TLN2: variants seen among roughly 807,000 people sequenced by gnomAD.
TLN2 encodes talin-2.
In TLN2, 118 loss-of-function variants were observed where a neutral mutation model predicts 294.7. The ratio of observed to expected loss-of-function variants is 0.40; its 90% CI spans 0.34 to 0.47. The LOEUF is 0.47. Among genes scored for constraint, TLN2 ranks in the 20% least tolerant of loss-of-function variants. The pLI, the probability that TLN2 is intolerant of heterozygous loss-of-function variation, is 0.84. For synonymous variants in TLN2, 1,431 were observed against 1,304.5 expected (o/e 1.10, Z -2.09); for missense variants, 3,083 against 3,282.2 (o/e 0.94, Z 1.48).
At chr15:62,713,491 C>T (rs1020371968) in intron 22 of TLN2, among the ~76,000 whole-genome samples, 4 of 151,896 alleles carry the variant, frequency 2.6e-5, no homozygotes, top group African/African-American at 7.2e-5. Flanking sequence ...CCAGCCTGAC[C>T]GACATGGCAA....
intron 1 of TLN2, among the ~76,000 whole-genome samples, chr15:62,480,481 T>TC (rs2038022910): frequency 6.6e-6 from 1 of 152,224 alleles, no homozygotes; most frequent in Non-Finnish European, 1.5e-5. Context: ...CACCTCGGCC[T>TC]CCCAAAGTGC....
At chr15:62,452,835 C>T (rs1218211225) in intron 1 of TLN2, among the ~76,000 whole-genome samples, 39 of 152,150 alleles carry the variant, frequency 2.6e-4, no homozygotes, top group Admixed American at 2.6e-3. Flanking sequence ...GTGGCGGGGC[C>T]AGTGTACTGC....
Position 62,644,738 on chromosome 15 carries a change from T to C in TLN2, c.-36-2537T>C, listed in dbSNP as rs536893140. On this transcript the variant is annotated intron_variant, in intron 3 of 58. Transcript: ENST00000636159. ...TTTCTCCTTGCTCCTCTGTGTGTCTTCTGCTTCCTTCTGAGCTCCAGTGTT... is the reference window on the plus strand; with the variant it reads ...TTTCTCCTTGCTCCTCTGTGTGTCTCCTGCTTCCTTCTGAGCTCCAGTGTT... 20 of 371,074 alleles carry C rather than the reference T, an allele frequency of 5.4e-5. 1 individual carries two copies. The Admixed American group carries it at 7.1e-4, about 13-fold the overall frequency. 23.0% of individuals were successfully genotyped at this position (371,074 alleles called of 1,614,324 possible).
At chr15:62,403,329 T>A (rs2033160737) in intron 1 of TLN2, among the ~76,000 whole-genome samples, 1 of 152,236 alleles carries the variant, frequency 6.6e-6, no homozygotes, top group Non-Finnish European at 1.5e-5. Flanking sequence ...GTAAAAATAT[T>A]TGAAAGAACT....
chr15:62,680,600 C>T lies in TLN2; in HGVS notation c.957+5279C>T, dbSNP rs529718526. ...GGGATACTTTTTTTTTTTTCAATAG[C>T]TTTTGGGGTATAAGCGTTTTTTTTG... On this transcript the variant is annotated intron_variant, in intron 11 of 58. Transcript: ENST00000636159. 3.4e-5 allele frequency among the ~76,000 whole-genome samples: 5 copies of T among 148,298 alleles called. No homozygotes were observed. In the East Asian group the frequency reaches 9.8e-4, roughly 29 times the overall value.
intron 1 of TLN2, among the ~76,000 whole-genome samples, chr15:62,493,000 T>G (rs1015205143): frequency 2.0e-5 from 3 of 151,964 alleles, no homozygotes; most frequent in Non-Finnish European, 4.4e-5. Flanking sequence ...CTGTTAGGGG[T>G]GGAAATATTG....
intron 1 of TLN2, among the ~76,000 whole-genome samples, chr15:62,465,539 AG>A (rs1342007843): frequency 5.3e-5 from 8 of 152,104 alleles, no homozygotes; most frequent in Admixed American, 3.3e-4. Context: ...TTATGTGTGG[AG>A]GGGTTTAGCC....
At chr15:62,721,016 C>G (rs2060114436) in intron 25 of TLN2, among the ~76,000 whole-genome samples, 1 of 152,178 alleles carries the variant, frequency 6.6e-6, no homozygotes, top group Non-Finnish European at 1.5e-5. Flanking sequence ...TGGGTACTGT[C>G]TCCACCCTGA....
At chr15:62,595,426 A>AG (rs1014112340) in intron 2 of TLN2, among the ~76,000 whole-genome samples, 12 of 151,978 alleles carry the variant, frequency 7.9e-5, no homozygotes, top group African/African-American at 2.7e-4. Flanking sequence ...AAAAAAAAAA[A>AG]AAAAAGGATG....
intron 44 of TLN2, among the ~76,000 whole-genome samples, chr15:62,781,589 G>A (rs1200752333): frequency 6.6e-6 from 1 of 152,188 alleles, no homozygotes; most frequent in Non-Finnish European, 1.5e-5. Flanking sequence ...TTCACCTCAC[G>A]AAGGACTTGA....
rs55990249 is a variant in TLN2 at position 62,458,604 on chromosome 15, G to GAAAAAA, written c.-238+67928_-238+67933dup. Among the ~76,000 whole-genome samples, 1,250 of 130,026 alleles carry GAAAAAA rather than the reference G, an allele frequency of 9.6e-3. 26 individuals are homozygous for GAAAAAA. Among genetic ancestry groups the GAAAAAA allele is most frequent in the East Asian group, 0.045 (197 of 4,412 alleles). The allele number at this position is 130,026 out of a possible 152,430, so 85.3% of individuals were successfully genotyped here. A position where few individuals can be genotyped will look rare whatever the true frequency, so the allele number is the denominator to read the frequency against. ...AACATGGCAAAACCTCGTCTCTACA[G>GAAAAAA]AAAAAAAAAAAAAATTTAGCTGGGT... On this transcript the variant is annotated intron_variant, in intron 1 of 58. Coordinates refer to ENST00000636159, the MANE Select transcript of TLN2 (RefSeq NM_015059.3).
chr15:62,621,386 G>A (rs1046295320), intron 3 of TLN2, among the ~76,000 whole-genome samples: 1 of 152,106 alleles, frequency 6.6e-6, no homozygotes, highest in African/African-American at 2.4e-5. Context: ...AGGTAAAGTC[G>A]ATACACAGAT....
intron 2 of TLN2, among the ~76,000 whole-genome samples, chr15:62,596,312 T>A (rs1191168862): frequency 6.6e-6 from 1 of 151,120 alleles, no homozygotes; most frequent in Non-Finnish European, 1.5e-5. Flanking sequence ...GAGTAGATTT[T>A]AAGCATTCTT....
intron 28 of TLN2, among the ~76,000 whole-genome samples, chr15:62,734,260 C>G (rs75319210): frequency 3.0e-4 from 45 of 152,258 alleles, no homozygotes; most frequent in East Asian, 1.4e-3. Flanking sequence ...ATTTACTCCT[C>G]CAAACTTACA....
intron 11 of TLN2, among the ~76,000 whole-genome samples, chr15:62,684,279 A>G (rs1047259192): frequency 6.6e-6 from 1 of 152,222 alleles, no homozygotes; most frequent in African/African-American, 2.4e-5. Context: ...GCTGCAAACC[A>G]TATTTTATCT....
intron 3 of TLN2, among the ~76,000 whole-genome samples, chr15:62,632,195 G>C (rs1006003607): frequency 2.0e-5 from 3 of 152,232 alleles, no homozygotes; most frequent in Admixed American, 1.3e-4. Context: ...CTGGGGACTA[G>C]TGCCCCTGTG....
chr15:62,614,409 C>T (rs1235610674), intron 2 of TLN2, among the ~76,000 whole-genome samples: 1 of 152,172 alleles, frequency 6.6e-6, no homozygotes, highest in Non-Finnish European at 1.5e-5. Flanking sequence ...TATAATTAGT[C>T]ATTACAGCAT....
chr15:62,717,545 A>C lies in TLN2; in HGVS notation c.2764-31A>C, dbSNP rs770863265. 2.1e-5 allele frequency: 31 copies of C among 1,454,926 alleles called. 1 individual carries two copies. In the South Asian group the frequency reaches 4.2e-4, roughly 20 times the overall value. The allele number at this position is 1,454,926 out of a possible 1,614,324, so 90.1% of individuals were successfully genotyped here. ...GAACATGCATGTATATTGCATATGC[A>C]GATCCTGACTCATCTATCACTCCTC... On this transcript the variant is annotated intron_variant, in intron 23 of 58. Coordinates refer to ENST00000636159, the MANE Select transcript of TLN2 (RefSeq NM_015059.3).
At position 62,841,009 on chromosome 15, in the gene TLN2, T is replaced by TAGAA. The variant is rs377240663; in HGVS notation, c.*400_*403dup. Reference sequence around the variant, plus strand: ...ATAGGGAAAAAAATCATTGACGTCATAGAATATTCTTCTTCCTCTCAGGAG... The same window carrying TAGAA: ...ATAGGGAAAAAAATCATTGACGTCATAGAAAGAATATTCTTCTTCCTCTCAGGAG... On this transcript the variant is annotated 3_prime_UTR_variant, in exon 59 of 59. Coordinates refer to ENST00000636159, the MANE Select transcript of TLN2 (RefSeq NM_015059.3). The TAGAA allele has an allele frequency of 2.6e-5, 4 of 156,148 alleles. No homozygotes were observed. The highest frequency in any genetic ancestry group is 9.6e-5 in the African/African-American group (4 of 41,570). The allele number at this position is 156,148 out of a possible 1,614,324, so 9.7% of individuals were successfully genotyped here. A position where few individuals can be genotyped will look rare whatever the true frequency, so the allele number is the denominator to read the frequency against.
Sources: gnomAD v4.1 joint callset for allele counts (sites outside exome capture counted in the v4.1 genomes callset) on GRCh38, gnomAD v4.1.1 for gene constraint, MANE v1.5 for transcripts, NCBI Gene and HGNC (gene_info 2026-07-23, HGNC 2026-07-21) for gene names.